Variants in FGF7 observed in about 807,000 individuals in gnomAD.
FGF7 encodes the protein FGF-7.
A neutral mutation model predicts 20.5 loss-of-function variants in FGF7; 6 were observed. The ratio of observed to expected loss-of-function variants is 0.29; its 90% CI spans 0.16 to 0.58. FGF7 has a LOEUF of 0.58. Ranked by LOEUF, FGF7 falls within the 20% of genes least tolerant of loss-of-function variation. FGF7 has a pLI of 0.90. For synonymous variants in FGF7, 64 were observed against 74.7 expected (o/e 0.86, Z 0.74); for missense variants, 144 against 228.8 (o/e 0.63, Z 2.39).
At chr15:49,434,950 T>C (rs1454249684) in intron 2 of FGF7, among the ~76,000 whole-genome samples, 1 of 151,600 alleles carries the variant, frequency 6.6e-6, no homozygotes, top group Non-Finnish European at 1.5e-5. Flanking sequence ...TGGAATAATA[T>C]ATTTTTTCTG....
At chr15:49,442,001 T>C (rs1217753855) in intron 2 of FGF7, among the ~76,000 whole-genome samples, 1 of 151,592 alleles carries the variant, frequency 6.6e-6, no homozygotes, top group Non-Finnish European at 1.5e-5. Flanking sequence ...TTCTTTTTCA[T>C]CTTTTTATCA....
intron 2 of FGF7, 94 bp downstream of exon 2, chr15:49,424,677 G>T: frequency 2.0e-6 from 2 of 1,020,380 alleles, no homozygotes; most frequent in Admixed American, 2.9e-5. Flanking sequence ...TTTGCTTCTT[G>T]GAAAAAAAAT....
At chr15:49,441,666 T>C (rs1339775136) in intron 2 of FGF7, among the ~76,000 whole-genome samples, 1 of 151,722 alleles carries the variant, frequency 6.6e-6, no homozygotes, top group East Asian at 1.9e-4. Flanking sequence ...CATCATTTCA[T>C]ATGTTCAGCC....
At chr15:49,458,275 G>GA (rs2053496053) in intron 2 of FGF7, among the ~76,000 whole-genome samples, 1 of 151,076 alleles carries the variant, frequency 6.6e-6, no homozygotes, top group Non-Finnish European at 1.5e-5. Context: ...ATACTCTGGA[G>GA]AAAAAGAACC....
rs1368459891 is a variant in FGF7, at chr15:49,486,512, C to A, written c.*2008C>A. 1 of 151,950 alleles carries A rather than the reference C, an allele frequency of 6.6e-6. No individual in the cohort carries two copies. The highest frequency in any genetic ancestry group is 1.9e-4 in the East Asian group (1 of 5,198). The allele number at this position is 151,950 out of a possible 1,614,324, so 9.4% of individuals were successfully genotyped here. ...TCATAATCAGTTTTCAGTGTGAATTCACTGAATGTTTATAGACAAAAGAAA... is the reference window on the plus strand; with the variant it reads ...TCATAATCAGTTTTCAGTGTGAATTAACTGAATGTTTATAGACAAAAGAAA... On this transcript the variant is annotated 3_prime_UTR_variant, in exon 4 of 4. Transcript: ENST00000267843.
intron 2 of FGF7, among the ~76,000 whole-genome samples, chr15:49,461,646 G>A (rs1047031168): frequency 6.6e-5 from 10 of 152,188 alleles, no homozygotes; most frequent in Non-Finnish European, 1.3e-4. Flanking sequence ...TATTCAGATA[G>A]TGCAGGTACA....
chr15:49,448,824 AG>A (rs1268476441), intron 2 of FGF7, among the ~76,000 whole-genome samples: 2 of 151,798 alleles, frequency 1.3e-5, no homozygotes, highest in Non-Finnish European at 2.9e-5. Context: ...CTTTTCTTGA[AG>A]CTCTCCAAGA....
At chr15:49,424,740 C>G in intron 2 of FGF7, 157 bp downstream of exon 2, 1 of 535,230 alleles carries the variant, frequency 1.9e-6, no homozygotes, top group Non-Finnish European at 3.1e-6. Flanking sequence ...AACTATGCCC[C>G]TAAAAATATC....
intron 2 of FGF7, among the ~76,000 whole-genome samples, chr15:49,448,655 A>T (rs984472993): frequency 6.6e-6 from 1 of 151,098 alleles, no homozygotes; most frequent in African/African-American, 2.4e-5. Flanking sequence ...CTATTTTTTG[A>T]TGAACATCCA....
intron 2 of FGF7, among the ~76,000 whole-genome samples, chr15:49,455,926 A>G (rs72727298): frequency 0.052 from 7,865 of 152,188 alleles, 274 homozygotes; most frequent in East Asian, 0.073. Flanking sequence ...TGTGTTGGAA[A>G]TTACTACAGA....
chr15:49,470,688 G>A (rs536534464), intron 2 of FGF7, among the ~76,000 whole-genome samples: 2 of 152,320 alleles, frequency 1.3e-5, no homozygotes, highest in African/African-American at 4.8e-5. Flanking sequence ...CAAGAGGAAT[G>A]TGTAAATGTG....
intron 2 of FGF7, among the ~76,000 whole-genome samples, chr15:49,463,715 C>T (rs1215136362): frequency 6.6e-6 from 1 of 152,180 alleles, no homozygotes; most frequent in Non-Finnish European, 1.5e-5. Flanking sequence ...CTGTGCCTTT[C>T]TCACACAGTT....
At chr15:49,426,097 T>G (rs2050109032) in intron 2 of FGF7, among the ~76,000 whole-genome samples, 1 of 151,588 alleles carries the variant, frequency 6.6e-6, no homozygotes, top group African/African-American at 2.4e-5. Flanking sequence ...CGACAGAGCC[T>G]AGGTAAAAAT....
chr15:49,457,364 T>C (rs2053403915), intron 2 of FGF7, among the ~76,000 whole-genome samples: 2 of 152,056 alleles, frequency 1.3e-5, no homozygotes, highest in Admixed American at 6.6e-5. Context: ...TAATTAGATA[T>C]GGGTTATGAG....
intron 2 of FGF7, among the ~76,000 whole-genome samples, chr15:49,465,998 T>C (rs754570674): frequency 4.6e-5 from 7 of 152,178 alleles, no homozygotes; most frequent in Non-Finnish European, 8.8e-5. Context: ...GTCTACAACC[T>C]AGATTTAAAA....
chr15:49,442,139 C>G (rs1319024350), intron 2 of FGF7, among the ~76,000 whole-genome samples: 1 of 151,572 alleles, frequency 6.6e-6, no homozygotes, highest in Non-Finnish European at 1.5e-5. Context: ...CATTAAGAAA[C>G]TCTATCATTT....
intron 2 of FGF7, among the ~76,000 whole-genome samples, chr15:49,430,968 T>G (rs1450902480): frequency 6.7e-6 from 1 of 149,154 alleles, no homozygotes; most frequent in Admixed American, 6.7e-5. Context: ...TGCACAACAT[T>G]AGGGCAAAGC....
chr15:49,434,680 A>G (rs1266093526), intron 2 of FGF7: 1 of 151,614 alleles, frequency 6.6e-6, no homozygotes, highest in Non-Finnish European at 1.5e-5. Flanking sequence ...TATTAAAAAT[A>G]TAAGAACATT....
chr15:49,454,619 TA>T (rs772639828), intron 2 of FGF7, among the ~76,000 whole-genome samples: 14 of 152,316 alleles, frequency 9.2e-5, no homozygotes, highest in East Asian at 1.9e-4. Flanking sequence ...TTTTTTATAT[TA>T]TTTTTTTGAG....
Sources: allele counts gnomAD v4.1 joint callset (sites outside exome capture counted in the v4.1 genomes callset), GRCh38; gene constraint gnomAD v4.1.1; transcripts MANE v1.5; gene names NCBI Gene and HGNC (gene_info 2026-07-23, HGNC 2026-07-21).